The following ROR1 variants were observed in gnomAD, a reference collection of about 807,000 sequenced individuals.
ROR1 encodes the protein inactive tyrosine-protein kinase transmembrane receptor ROR1.
A neutral mutation model predicts 78.8 loss-of-function variants in ROR1; 19 were observed. The observed-to-expected ratio is 0.24, with a 90% CI of 0.17 to 0.35. ROR1 has a LOEUF of 0.35. ROR1 is among the 10% of genes least tolerant of loss of function. The pLI is 1.00. For missense variants in ROR1, 917 were observed against 1,177.8 expected, an observed-to-expected ratio of 0.78 and a Z score of 3.24; for synonymous variants, 386 against 433.6, an observed-to-expected ratio of 0.89 and a Z score of 1.36.
chr1:63,902,934 C>CA (rs34001522), intron 1 of ROR1, among the ~76,000 whole-genome samples: 47 of 152,138 alleles, frequency 3.1e-4, no homozygotes, highest in Non-Finnish European at 6.2e-4. Flanking sequence ...GCCTCACGTC[C>CA]ATGTTCTTGT....
At chr1:64,007,298 C>A (rs1239617468) in intron 1 of ROR1, among the ~76,000 whole-genome samples, 1 of 151,908 alleles carries the variant, frequency 6.6e-6, no homozygotes, top group Non-Finnish European at 1.5e-5. Flanking sequence ...GAGGGATTGA[C>A]AACTTGTATG....
At chr1:63,818,233 G>C (rs553482343) in intron 1 of ROR1, among the ~76,000 whole-genome samples, 23 of 152,238 alleles carry the variant, frequency 1.5e-4, no homozygotes, top group Non-Finnish European at 7.4e-5. Context: ...TTTCAAAAAA[G>C]CTTGAAAATT....
At chr1:63,833,604 G>C (rs1474501228) in intron 1 of ROR1, among the ~76,000 whole-genome samples, 1 of 152,158 alleles carries the variant, frequency 6.6e-6, no homozygotes, top group Non-Finnish European at 1.5e-5. Context: ...TGCTCTGGGA[G>C]GGGAGAGGAC....
intron 4 of ROR1, among the ~76,000 whole-genome samples, chr1:64,104,125 A>G (rs1647686938): frequency 6.6e-6 from 1 of 152,066 alleles, no homozygotes; most frequent in African/African-American, 2.4e-5. Context: ...ATCTTATATT[A>G]CCCTTAGGAC....
intron 1 of ROR1, among the ~76,000 whole-genome samples, chr1:63,810,782 G>T (rs1451443932): frequency 1.3e-5 from 2 of 152,230 alleles, no homozygotes; most frequent in Admixed American, 6.5e-5. Flanking sequence ...GAGGCCCATG[G>T]AGGCTATTTT....
At chr1:64,053,513 C>A (rs1473061412) in intron 4 of ROR1, among the ~76,000 whole-genome samples, 1 of 152,186 alleles carries the variant, frequency 6.6e-6, no homozygotes, top group Non-Finnish European at 1.5e-5. Flanking sequence ...GTCCTGGCTA[C>A]CCCTAACACT....
intron 1 of ROR1, among the ~76,000 whole-genome samples, chr1:63,848,283 CT>C (rs1242167891): frequency 1.3e-5 from 2 of 152,188 alleles, no homozygotes; most frequent in Non-Finnish European, 2.9e-5. Flanking sequence ...TCATTTTTAA[CT>C]CCAGAAGCAT....
intron 4 of ROR1, among the ~76,000 whole-genome samples, chr1:64,112,505 A>G (rs992441222): frequency 8.5e-5 from 13 of 152,178 alleles, no homozygotes; most frequent in Non-Finnish European, 1.9e-4. Flanking sequence ...GGAGATCTGT[A>G]TGCTGACTCA....
chr1:63,955,343 G>C (rs967972065), intron 1 of ROR1, among the ~76,000 whole-genome samples: 4 of 152,058 alleles, frequency 2.6e-5, no homozygotes, highest in Non-Finnish European at 5.9e-5. Context: ...TTCTTTGGCA[G>C]TTTTTTTCCC....
chr1:64,142,926 T>C, intron 7 of ROR1: 1 of 1,246,908 alleles, frequency 8.0e-7, no homozygotes, highest in Non-Finnish European at 1.0e-6. Flanking sequence ...GTTGAGACAG[T>C]TTATCACATT....
chr1:64,003,519 G>A (rs11804377), intron 1 of ROR1, among the ~76,000 whole-genome samples: 3,598 of 152,226 alleles, frequency 0.024, 145 homozygotes, highest in African/African-American at 0.082. Flanking sequence ...TGTAGACATT[G>A]AGCATAGTAC....
At chr1:63,985,731 T>A (rs285348) in intron 1 of ROR1, among the ~76,000 whole-genome samples, 110,607 of 150,598 alleles carry the variant, frequency 0.73, 41,684 homozygotes, top group East Asian at 0.94. Context: ...AAATAATAAT[T>A]ATTATTATTT....
chr1:63,789,402 C>T (rs1014780361), intron 1 of ROR1: 1 of 344,758 alleles, frequency 2.9e-6, no homozygotes, highest in Non-Finnish European at 5.5e-6. Flanking sequence ...AATGGGGACA[C>T]CTGAGCACTG....
At chr1:64,018,762 T>G (rs1009241163) in intron 2 of ROR1, among the ~76,000 whole-genome samples, 1 of 152,114 alleles carries the variant, frequency 6.6e-6, no homozygotes, top group Admixed American at 6.6e-5. Flanking sequence ...CAACATCTAG[T>G]GCAGTTGTTT....
In ROR1 at chr1:64,157,555, A is replaced by G. The variant is rs571364531; in HGVS notation, c.1175-1426A>G. Among the ~76,000 whole-genome samples, 9 of 152,306 alleles carry G rather than the reference A, an allele frequency of 5.9e-5. No homozygotes were observed. The East Asian group carries it at 1.7e-3, about 29-fold the overall frequency. ...AACCAGGTTTTGGTATTCCTTTTGA[A>G]TAACTGATATGCCATATCTCACCTG... On this transcript the variant is annotated intron_variant, in intron 7 of 8. Coordinates refer to ENST00000371079, the MANE Select transcript of ROR1 (RefSeq NM_005012.4).
chr1:64,135,986 AC>A (rs1361058550), intron 4 of ROR1, among the ~76,000 whole-genome samples: 1 of 152,138 alleles, frequency 6.6e-6, no homozygotes, highest in African/African-American at 2.4e-5. Flanking sequence ...CCTACGCTAG[AC>A]CTTCAAGCTG....
At chr1:64,047,729 C>A (rs973614968) in intron 2 of ROR1, among the ~76,000 whole-genome samples, 8 of 152,230 alleles carry the variant, frequency 5.3e-5, no homozygotes, top group African/African-American at 1.7e-4. Flanking sequence ...AACATATGTG[C>A]TTATATCCAT....
intron 4 of ROR1, among the ~76,000 whole-genome samples, chr1:64,083,406 G>A (rs199627672): frequency 6.6e-6 from 1 of 152,116 alleles, no homozygotes; most frequent in East Asian, 1.9e-4. Context: ...TTACAGGAAT[G>A]AAAAAGAAAC....
At chr1:63,957,566 G>T (rs960715139) in intron 1 of ROR1, among the ~76,000 whole-genome samples, 1 of 152,144 alleles carries the variant, frequency 6.6e-6, no homozygotes, top group Middle Eastern at 3.2e-3. Flanking sequence ...GAGAGTGGCT[G>T]CTGGGAAGGG....
Sources: allele counts gnomAD v4.1 joint callset (sites outside exome capture counted in the v4.1 genomes callset), GRCh38; gene constraint gnomAD v4.1.1; transcripts MANE v1.5; gene names NCBI Gene and HGNC (gene_info 2026-07-23, HGNC 2026-07-21).